Variants in SH3RF3 observed in about 807,000 individuals in gnomAD.
The protein encoded by SH3RF3 is E3 ubiquitin-protein ligase SH3RF3.
SH3RF3 carries 29 observed loss-of-function variants against 66.3 expected under a neutral mutation model. That is an observed-to-expected ratio of 0.44 (90% confidence interval 0.33 to 0.60). The LOEUF is 0.60. SH3RF3 is among the 20% of genes least tolerant of loss of function. The pLI, the probability that SH3RF3 is intolerant of heterozygous loss-of-function variation, is 0.04. For missense variants in SH3RF3, 1,194 were observed against 1,190.9 expected, an observed-to-expected ratio of 1.00 and a Z score of -0.04; for synonymous variants, 583 against 532.0, an observed-to-expected ratio of 1.10 and a Z score of -1.32.
Position 109,212,666 on chromosome 2 carries a change from G to T in SH3RF3, c.573+82553G>T, listed in dbSNP as rs537491786. ...TCCAGATAGCAACCTCCCTTTTCTTGTGTTAAATGGACTCACCTGATTGTA... is the reference window on the plus strand; with the variant it reads ...TCCAGATAGCAACCTCCCTTTTCTTTTGTTAAATGGACTCACCTGATTGTA... On this transcript the variant is annotated intron_variant, in intron 1 of 9. Transcript: ENST00000309415. 6.6e-5 allele frequency among the ~76,000 whole-genome samples: 10 copies of T among 152,268 alleles called. No homozygotes were observed. In the South Asian group the frequency reaches 1.9e-3, roughly 28 times the overall value.
intron 8 of SH3RF3, among the ~76,000 whole-genome samples, chr2:109,451,575 C>T (rs1363390659): frequency 6.6e-6 from 1 of 152,222 alleles, no homozygotes; most frequent in Non-Finnish European, 1.5e-5. Context: ...ATGCTGTTCC[C>T]CATCACCCAC....
At chr2:109,360,983 A>G (rs2105625534) in intron 2 of SH3RF3, among the ~76,000 whole-genome samples, 1 of 152,336 alleles carries the variant, frequency 6.6e-6, no homozygotes, top group African/African-American at 2.4e-5. Context: ...TTCTTTATCA[A>G]GTTGAAGAAG....
chr2:109,480,386 G>A (rs768350396), intron 8 of SH3RF3, among the ~76,000 whole-genome samples: 33 of 152,292 alleles, frequency 2.2e-4, no homozygotes, highest in Admixed American at 3.9e-4. Flanking sequence ...TTGTTCAAGG[G>A]TGCATGGCTG....
chr2:109,263,091 C>G (rs540062898), intron 1 of SH3RF3, among the ~76,000 whole-genome samples: 65 of 152,228 alleles, frequency 4.3e-4, no homozygotes, highest in African/African-American at 1.6e-3. Flanking sequence ...GGTAATTCAC[C>G]CACCTCGGCC....
At chr2:109,435,305 C>T (rs1677368321) in intron 6 of SH3RF3, among the ~76,000 whole-genome samples, 1 of 152,222 alleles carries the variant, frequency 6.6e-6, no homozygotes. Flanking sequence ...TGTCCCCCTC[C>T]AAAGCTGTGC....
At chr2:109,491,835 C>G (rs372022798) in intron 9 of SH3RF3, among the ~76,000 whole-genome samples, 1 of 152,190 alleles carries the variant, frequency 6.6e-6, no homozygotes, top group Non-Finnish European at 1.5e-5. Context: ...CTGCCAGAAC[C>G]TTTCCTCCCT....
chr2:109,320,881 A>G (rs2105458401), intron 1 of SH3RF3, among the ~76,000 whole-genome samples: 1 of 152,300 alleles, frequency 6.6e-6, no homozygotes, highest in South Asian at 2.1e-4. Flanking sequence ...CTGCCCTACG[A>G]TACTCATCAC....
intron 1 of SH3RF3, among the ~76,000 whole-genome samples, chr2:109,336,711 G>A (rs1378933592): frequency 2.0e-5 from 3 of 152,228 alleles, no homozygotes; most frequent in Admixed American, 6.5e-5. Flanking sequence ...GTCTGTAAAA[G>A]CAACTGCAAC....
At chr2:109,263,126 G>A (rs893857917) in intron 1 of SH3RF3, among the ~76,000 whole-genome samples, 10 of 152,180 alleles carry the variant, frequency 6.6e-5, no homozygotes, top group South Asian at 2.1e-4. Context: ...GATTATAGGC[G>A]TGAGCCACCA....
intron 1 of SH3RF3, among the ~76,000 whole-genome samples, chr2:109,301,378 G>A (rs1035898332): frequency 6.6e-6 from 1 of 151,670 alleles, no homozygotes; most frequent in African/African-American, 2.4e-5. Flanking sequence ...TGTGTGGTGG[G>A]GGGACCTTGG....
intron 1 of SH3RF3, among the ~76,000 whole-genome samples, chr2:109,239,197 C>A (rs1476387392): frequency 6.6e-6 from 1 of 152,096 alleles, no homozygotes; most frequent in Non-Finnish European, 1.5e-5. Flanking sequence ...GAGCCCTGCA[C>A]AGTGCTCCGA....
intron 1 of SH3RF3, among the ~76,000 whole-genome samples, chr2:109,342,007 C>T (rs1682561551): frequency 6.6e-6 from 1 of 152,228 alleles, no homozygotes; most frequent in African/African-American, 2.4e-5. Flanking sequence ...GGTGTGTATA[C>T]AATTAGGGTC....
chr2:109,288,815 C>CTTTTTTTTTTTTTTTTT (rs1559003628), intron 1 of SH3RF3, among the ~76,000 whole-genome samples: 8 of 152,138 alleles, frequency 5.3e-5, no homozygotes, highest in African/African-American at 1.7e-4. Context: ...AAATCACTTT[C>CTTTTTTTTTTTTTTTTT]TTATTTAGTA....
Position 109,247,152 on chromosome 2 carries a change from T to G in SH3RF3, c.574-100522T>G, listed in dbSNP as rs1385715429. Among the ~76,000 whole-genome samples the G allele has an allele frequency of 2.0e-5, 3 of 152,256 alleles. No individual in the cohort carries two copies. The East Asian group carries it at 5.8e-4, about 29-fold the overall frequency. On this transcript the variant is annotated intron_variant, in intron 1 of 9. Transcript: ENST00000309415. ...GGATATTATCCAGAGACATGAAACA[T>G]GGAGTTTGGGTTTGCAGAGGACAAG... is the stretch of plus-strand genomic sequence containing the variant.
chr2:109,263,855 G>C (rs1243254255), intron 1 of SH3RF3, among the ~76,000 whole-genome samples: 2 of 152,216 alleles, frequency 1.3e-5, no homozygotes, highest in Non-Finnish European at 2.9e-5. Context: ...GTAGTCCCCA[G>C]CTGCTCGGGA....
At position 109,129,494 on chromosome 2, in the gene SH3RF3, C is replaced by T. The variant is rs1558914863; in HGVS notation, c.-47C>T. On this transcript the variant is annotated 5_prime_UTR_variant, in exon 1 of 10. Coordinates refer to ENST00000309415, the MANE Select transcript of SH3RF3 (RefSeq NM_001099289.3). Reference sequence around the variant, plus strand: ...CTGCCGGTGGCGGGCTCCACGCCGGCCCCGGGACCTAGGCAGCCGCGCGAG... The same window carrying T: ...CTGCCGGTGGCGGGCTCCACGCCGGTCCCGGGACCTAGGCAGCCGCGCGAG... 9 of 1,494,808 alleles carry T rather than the reference C, an allele frequency of 6.0e-6. No individual in the cohort carries two copies. The highest frequency in any genetic ancestry group is 1.2e-5 in the South Asian group (1 of 80,316). The allele number at this position is 1,494,808 out of a possible 1,614,324, so 92.6% of individuals were successfully genotyped here.
chr2:109,287,961 G>T (rs756353368), intron 1 of SH3RF3, among the ~76,000 whole-genome samples: 7 of 152,214 alleles, frequency 4.6e-5, no homozygotes, highest in Non-Finnish European at 7.3e-5. Flanking sequence ...GCCAGAGAAA[G>T]GTTCAAGTTC....
At chr2:109,141,097 C>A (rs974806436) in intron 1 of SH3RF3, among the ~76,000 whole-genome samples, 2 of 152,186 alleles carry the variant, frequency 1.3e-5, no homozygotes, top group African/African-American at 4.8e-5. Flanking sequence ...ATCCTTGGTG[C>A]TCATTTTAGT....
chr2:109,379,715 C>T (rs1187245085), intron 3 of SH3RF3, among the ~76,000 whole-genome samples: 1 of 152,214 alleles, frequency 6.6e-6, no homozygotes, highest in East Asian at 1.9e-4. Flanking sequence ...GCCAATCCTG[C>T]TTGCATTTCT....
Sources: gnomAD v4.1 joint callset for allele counts (sites outside exome capture counted in the v4.1 genomes callset) on GRCh38, gnomAD v4.1.1 for gene constraint, MANE v1.5 for transcripts, NCBI Gene and HGNC (gene_info 2026-07-23, HGNC 2026-07-21) for gene names.